MCU: variants seen among roughly 807,000 people sequenced by gnomAD.
MCU encodes mitochondrial calcium uniporter, also known as calcium uniporter protein, mitochondrial.
In MCU, 12 loss-of-function variants were observed where a neutral mutation model predicts 45.2. That is an observed-to-expected ratio of 0.27 (90% CI 0.17 to 0.43). The LOEUF is 0.43. MCU is among the 20% of genes least tolerant of loss of function. The pLI is 1.00. For synonymous variants in MCU, 160 were observed against 165.1 expected (o/e 0.97, Z 0.24); for missense variants, 324 against 436.7 (o/e 0.74, Z 2.30).
At chr10:72,745,650 TG>T (rs1843405233) in intron 1 of MCU, among the ~76,000 whole-genome samples, 1 of 152,230 alleles carries the variant, frequency 6.6e-6, no homozygotes, top group African/African-American at 2.4e-5. Context: ...TTTTCTTGTT[TG>T]TTTTTTCCTT....
chr10:72,788,469 T>C (rs1844110036), intron 1 of MCU, among the ~76,000 whole-genome samples: 1 of 152,058 alleles, frequency 6.6e-6, no homozygotes, highest in Non-Finnish European at 1.5e-5. Flanking sequence ...TACAAAAAAT[T>C]AAGAAACATA....
At chr10:72,790,231 T>C (rs1844138226) in intron 1 of MCU, among the ~76,000 whole-genome samples, 2 of 152,182 alleles carry the variant, frequency 1.3e-5, no homozygotes, top group African/African-American at 4.8e-5. Flanking sequence ...TTTTTCATGT[T>C]GCAAAATTCA....
intron 1 of MCU, among the ~76,000 whole-genome samples, chr10:72,729,977 G>A (rs1244264260): frequency 2.2e-5 from 2 of 91,418 alleles, no homozygotes; most frequent in African/African-American, 4.3e-5. Flanking sequence ...TTTTTTTTTC[G>A]AGACAGTGTC....
At chr10:72,849,035 C>CT (rs1353148142) in intron 2 of MCU, among the ~76,000 whole-genome samples, 1 of 151,920 alleles carries the variant, frequency 6.6e-6, no homozygotes, top group African/African-American at 2.4e-5. Context: ...AATCCCAGCA[C>CT]TTTGGGAGGC....
chr10:72,887,290 G>C lies in MCU; in HGVS notation c.*1468G>C, dbSNP rs1000679916. 1 of 152,672 alleles carries C rather than the reference G, an allele frequency of 6.5e-6. No homozygotes were observed. The highest frequency in any genetic ancestry group is 2.4e-5 in the African/African-American group (1 of 41,406). 9.5% of individuals were successfully genotyped at this position (152,672 alleles called of 1,614,324 possible). On this transcript the variant is annotated 3_prime_UTR_variant, in exon 8 of 8. Transcript: ENST00000373053. Reference sequence around the variant, plus strand: ...TCCAGGTGCCTTGCAAAGGTTGAAGGCCAGCCAGGATTGCTGCTGCTGCTG... The same window carrying C: ...TCCAGGTGCCTTGCAAAGGTTGAAGCCCAGCCAGGATTGCTGCTGCTGCTG...
chr10:72,807,983 A>G (rs1294299277), intron 1 of MCU, among the ~76,000 whole-genome samples: 1 of 152,234 alleles, frequency 6.6e-6, no homozygotes, highest in African/African-American at 2.4e-5. Context: ...GCAACATGAA[A>G]TAGGAAAATT....
intron 1 of MCU, among the ~76,000 whole-genome samples, chr10:72,821,827 A>ACTTTTC (rs1844716810): frequency 6.6e-6 from 1 of 152,200 alleles, no homozygotes; most frequent in Admixed American, 6.5e-5. Context: ...TGCACATGGA[A>ACTTTTC]CATTTTCCAA....
chr10:72,772,924 C>T (rs577423476), intron 1 of MCU, among the ~76,000 whole-genome samples: 11 of 26,606 alleles, frequency 4.1e-4, no homozygotes, highest in Admixed American at 1.4e-3. Flanking sequence ...TTTTGAGACA[C>T]GGTCTTTCCT....
chr10:72,810,823 T>A (rs1216232165), intron 1 of MCU, among the ~76,000 whole-genome samples: 1 of 152,086 alleles, frequency 6.6e-6, no homozygotes, highest in African/African-American at 2.4e-5. Flanking sequence ...TAGGCCTTGC[T>A]TTATCCCACA....
chr10:72,845,032 T>C (rs141308349), intron 2 of MCU, among the ~76,000 whole-genome samples: 15 of 152,278 alleles, frequency 9.9e-5, no homozygotes, highest in African/African-American at 3.6e-4. Context: ...AGGGGGCATG[T>C]GGTACCTAAG....
chr10:72,734,856 A>G (rs1053923830), intron 1 of MCU, among the ~76,000 whole-genome samples: 2 of 151,878 alleles, frequency 1.3e-5, no homozygotes, highest in African/African-American at 4.8e-5. Context: ...GGCTCAAGCT[A>G]TTCTCCCACC....
intron 1 of MCU, among the ~76,000 whole-genome samples, chr10:72,792,580 G>A (rs1844178595): frequency 6.6e-6 from 1 of 152,078 alleles, no homozygotes. Flanking sequence ...AAAACTCCCG[G>A]TTTTTGAAAA....
intron 6 of MCU, among the ~76,000 whole-genome samples, chr10:72,876,690 G>A (rs540900624): frequency 6.6e-6 from 1 of 152,258 alleles, no homozygotes; most frequent in East Asian, 1.9e-4. Context: ...AACTGTAAAT[G>A]CAACTGTATC....
At chr10:72,728,200 T>G (rs1473990359) in intron 1 of MCU, among the ~76,000 whole-genome samples, 1 of 152,238 alleles carries the variant, frequency 6.6e-6, no homozygotes, top group Non-Finnish European at 1.5e-5. Flanking sequence ...ATCACTTGTC[T>G]TCTAATAAAT....
chr10:72,751,464 C>T (rs191715130), intron 1 of MCU, among the ~76,000 whole-genome samples: 87 of 134,654 alleles, frequency 6.5e-4, no homozygotes, highest in African/African-American at 2.1e-3. Context: ...AAGTGATTTT[C>T]GTGCCTCAGC....
chr10:72,710,690 A>G (rs959896462), intron 1 of MCU, among the ~76,000 whole-genome samples: 8 of 151,882 alleles, frequency 5.3e-5, no homozygotes, highest in Admixed American at 5.3e-4. Flanking sequence ...GTAGAATAAT[A>G]TAATATACAA....
intron 1 of MCU, among the ~76,000 whole-genome samples, chr10:72,739,931 C>T (rs1008692333): frequency 6.6e-6 from 1 of 151,954 alleles, no homozygotes; most frequent in Non-Finnish European, 1.5e-5. Flanking sequence ...CTGCCTCAGC[C>T]TCCCAAAGTG....
intron 3 of MCU, chr10:72,860,039 A>G: frequency 5.8e-6 from 1 of 173,484 alleles, no homozygotes; most frequent in Non-Finnish European, 1.2e-5. Context: ...AATTATTGGC[A>G]ACTAATCAGT....
chr10:72,749,129 T>G (rs1256716089), intron 1 of MCU, among the ~76,000 whole-genome samples: 3 of 148,064 alleles, frequency 2.0e-5, no homozygotes, highest in African/African-American at 5.0e-5. Flanking sequence ...AAAAATGTTG[T>G]TTTTTTTTTG....
Sources: allele counts gnomAD v4.1 joint callset (sites outside exome capture counted in the v4.1 genomes callset), GRCh38; gene constraint gnomAD v4.1.1; transcripts MANE v1.5; gene names NCBI Gene and HGNC (gene_info 2026-07-23, HGNC 2026-07-21).